The following RP1 variants were observed in gnomAD, a reference collection of about 807,000 sequenced individuals.
The protein encoded by RP1 is oxygen-regulated protein 1.
RP1 carries 16 observed loss-of-function variants against 14.8 expected under a neutral mutation model. The observed-to-expected ratio is 1.08, with a 90% CI of 0.73 to 1.65. The LOEUF (loss-of-function observed/expected upper bound fraction) is 1.65. RP1 is among the 40% of genes most tolerant of loss of function. The pLI, the probability that RP1 is intolerant of heterozygous loss-of-function variation, is 0.00. For missense variants in RP1, 2,631 were observed against 2,535.0 expected (o/e 1.04, Z -0.81); for synonymous variants, 876 against 883.6 (o/e 0.99, Z 0.15).
chr8:54,832,829 T>A (rs1403859572), intron 24 of RP1, among the ~76,000 whole-genome samples: 1 of 151,982 alleles, frequency 6.6e-6, no homozygotes, highest in East Asian at 1.9e-4. Flanking sequence ...TTATCCTTAG[T>A]CTTGAGAGAA....
intron 12 of RP1, among the ~76,000 whole-genome samples, chr8:54,694,280 C>A (rs1437192856): frequency 1.3e-5 from 2 of 152,022 alleles, no homozygotes; most frequent in Non-Finnish European, 2.9e-5. Context: ...CTAAAATTCT[C>A]TTTTTTTGTT....
At chr8:54,851,942 A>T (rs1198501338) in intron 25 of RP1, among the ~76,000 whole-genome samples, 1 of 152,216 alleles carries the variant, frequency 6.6e-6, no homozygotes, top group African/African-American at 2.4e-5. Flanking sequence ...CCCAGATATT[A>T]TTCTTACTAG....
chr8:54,634,674 A>T (rs369279871), downstream of RP1, among the ~76,000 whole-genome samples: 1 of 152,222 alleles, frequency 6.6e-6, no homozygotes, highest in Non-Finnish European at 1.5e-5. Context: ...ATTAAGCAAC[A>T]AAACAGCAAA....
At chr8:54,607,407 T>G (rs1202983177) in intron 1 of RP1, among the ~76,000 whole-genome samples, 1 of 152,146 alleles carries the variant, frequency 6.6e-6, no homozygotes, top group Non-Finnish European at 1.5e-5. Context: ...CTTTGGAAGT[T>G]TTGTCTCAGA....
intron 1 of RP1, among the ~76,000 whole-genome samples, chr8:54,581,115 A>G (rs893009264): frequency 9.2e-5 from 14 of 152,010 alleles, no homozygotes; most frequent in Non-Finnish European, 1.8e-4. Context: ...TTAACTCTTC[A>G]TTTAGCATTA....
chr8:54,869,458 T>A (rs1477231142), intron 28 of RP1, among the ~76,000 whole-genome samples: 1 of 152,212 alleles, frequency 6.6e-6, no homozygotes, highest in East Asian at 1.9e-4. Flanking sequence ...TCTTGAAGAG[T>A]GCTGTCCTAG....
chr8:54,696,471 C>A, intron 12 of RP1: 1 of 885,442 alleles, frequency 1.1e-6, no homozygotes, highest in Non-Finnish European at 1.8e-6. Flanking sequence ...GCTTATCAAG[C>A]CCTCGAAGCC....
chr8:54,822,678 C>T (rs1305982215), intron 24 of RP1, among the ~76,000 whole-genome samples: 1 of 152,152 alleles, frequency 6.6e-6, no homozygotes, highest in Non-Finnish European at 1.5e-5. Flanking sequence ...GAGAACTACG[C>T]AGAGTAATCC....
intron 24 of RP1, among the ~76,000 whole-genome samples, chr8:54,797,860 G>A (rs1467293275): frequency 8.1e-6 from 1 of 122,714 alleles, no homozygotes; most frequent in Non-Finnish European, 1.7e-5. Context: ...GTTTCCAAGT[G>A]TTGTTTCCCA....
chr8:54,605,259 A>G (rs1805403021), intron 1 of RP1, among the ~76,000 whole-genome samples: 3 of 152,196 alleles, frequency 2.0e-5, no homozygotes, highest in Non-Finnish European at 4.4e-5. Context: ...CATTGATTTC[A>G]AAGAACATCT....
chr8:54,760,508 A>G (rs1159263830), intron 22 of RP1, among the ~76,000 whole-genome samples: 3 of 152,362 alleles, frequency 2.0e-5, no homozygotes, highest in East Asian at 3.9e-4. Flanking sequence ...TATGGGGGAA[A>G]ATAATGTTCT....
chr8:54,798,826 G>A (rs1207833718), intron 24 of RP1, among the ~76,000 whole-genome samples: 1 of 151,990 alleles, frequency 6.6e-6, no homozygotes, highest in African/African-American at 2.4e-5. Context: ...ACACATACTT[G>A]TACATCTATA....
intron 1 of RP1, among the ~76,000 whole-genome samples, chr8:54,598,421 A>G (rs1805200235): frequency 6.6e-6 from 1 of 152,126 alleles, no homozygotes; most frequent in African/African-American, 2.4e-5. Context: ...TCCCTCATTT[A>G]TAATTGTTTT....
rs1804636309 is a variant in RP1, at chr8:54,576,146, T to A, written c.-13+16826T>A. 2.6e-5 allele frequency among the ~76,000 whole-genome samples: 4 copies of A among 151,510 alleles called. No homozygotes were observed. The South Asian group carries it at 8.4e-4, about 32-fold the overall frequency. On this transcript the variant is annotated intron_variant, in intron 1 of 22. Coordinates refer to the RP1 transcript ENST00000636932. ...AGCTCCGCCTCCCAGGTTCACGCCA[T>A]TCTCCCGCCTCAGCCTCCCGAGTAG...
At chr8:54,852,743 T>A in intron 26 of RP1, 3 of 1,231,546 alleles carry the variant, frequency 2.4e-6, no homozygotes, top group Non-Finnish European at 3.0e-6. Context: ...TAGAAACAGG[T>A]CTTCATCAGT....
intron 24 of RP1, among the ~76,000 whole-genome samples, chr8:54,790,242 G>A (rs1810430944): frequency 6.6e-6 from 1 of 152,328 alleles, no homozygotes; most frequent in South Asian, 2.1e-4. Flanking sequence ...ATGGGCAGAT[G>A]TCTTGCCCAA....
chr8:54,814,152 CTT>C, intron 24 of RP1, among the ~76,000 whole-genome samples: 1 of 152,262 alleles, frequency 6.6e-6, no homozygotes, highest in Non-Finnish European at 1.5e-5. Context: ...AATTTTGACT[CTT>C]AACTTTTGAC....
intron 24 of RP1, among the ~76,000 whole-genome samples, chr8:54,797,230 C>A (rs1487678334): frequency 2.6e-5 from 4 of 152,138 alleles, no homozygotes; most frequent in African/African-American, 9.7e-5. Context: ...TTCTTAACAG[C>A]TACCAAAAAT....
chr8:54,636,492 C>G (rs977272071), intron 3 of RP1, among the ~76,000 whole-genome samples: 2 of 152,212 alleles, frequency 1.3e-5, no homozygotes, highest in Non-Finnish European at 2.9e-5. Context: ...AATCCCAGCA[C>G]TTTGGGAGGC....
Sources: allele counts gnomAD v4.1 joint callset (sites outside exome capture counted in the v4.1 genomes callset), GRCh38; gene constraint gnomAD v4.1.1; transcripts MANE v1.5; gene names NCBI Gene and HGNC (gene_info 2026-07-23, HGNC 2026-07-21).